Variants in XPNPEP1 observed in about 807,000 individuals in gnomAD.
The protein encoded by XPNPEP1 is X-prolyl aminopeptidase 1.
In XPNPEP1, 39 loss-of-function variants were observed where a neutral mutation model predicts 92.4. The observed-to-expected ratio is 0.42, with a 90% CI of 0.33 to 0.55. The LOEUF is 0.55. Ranked by LOEUF, XPNPEP1 falls within the 20% of genes least tolerant of loss-of-function variation. The probability of loss-of-function intolerance (pLI) is 0.08; values close to 1 mark genes in which losing one functional copy is unlikely to be tolerated. For synonymous variants in XPNPEP1, 307 were observed against 299.4 expected (o/e 1.03, Z -0.26); for missense variants, 654 against 856.1 (o/e 0.76, Z 2.95).
chr10:109,899,559 C>A (rs928721246), intron 3 of XPNPEP1, among the ~76,000 whole-genome samples: 4 of 152,238 alleles, frequency 2.6e-5, no homozygotes, highest in Admixed American at 2.0e-4. Flanking sequence ...ATTATTCTAA[C>A]ACAACAGATA....
At chr10:109,922,223 G>A (rs1405233061) in intron 1 of XPNPEP1, among the ~76,000 whole-genome samples, 1 of 152,130 alleles carries the variant, frequency 6.6e-6, no homozygotes, top group Non-Finnish European at 1.5e-5. Context: ...GCCTTTCACT[G>A]GACTTTCCTT....
intron 1 of XPNPEP1, among the ~76,000 whole-genome samples, chr10:109,920,788 C>T (rs1311916867): frequency 6.6e-6 from 1 of 152,150 alleles, no homozygotes; most frequent in African/African-American, 2.4e-5. Flanking sequence ...TCAAGTGATC[C>T]TCCCACCTCA....
intron 11 of XPNPEP1, among the ~76,000 whole-genome samples, 198 bp downstream of exon 11, chr10:109,880,644 T>C (rs1848040529): frequency 6.6e-6 from 1 of 152,244 alleles, no homozygotes; most frequent in African/African-American, 2.4e-5. Flanking sequence ...TCCTTTTGTA[T>C]TGTGTATTAT....
intron 1 of XPNPEP1, among the ~76,000 whole-genome samples, chr10:109,918,776 C>T (rs948404403): frequency 1.5e-5 from 2 of 134,082 alleles, no homozygotes; most frequent in Non-Finnish European, 3.1e-5. Context: ...GAAAGGAAGA[C>T]AGGAAGGAAG....
At chr10:109,891,534 C>A (rs1440395902) in intron 5 of XPNPEP1, 188 bp downstream of exon 5, 2 of 449,542 alleles carry the variant, frequency 4.4e-6, no homozygotes, top group Non-Finnish European at 7.8e-6. Context: ...GAACCAGCGT[C>A]CTCCAAAATT....
chr10:109,891,712 C>T lies in XPNPEP1; in HGVS notation c.415+10G>A. 1 of 1,560,916 alleles carries T rather than the reference C, an allele frequency of 6.4e-7. No homozygotes were observed. The highest frequency in any genetic ancestry group is 8.6e-7 in the Non-Finnish European group (1 of 1,159,656). ...CCAACTAAGTTTGGGCTAGCCATGC[C>T]TGTACCCACCCATCTTCATAAGTGT... is the stretch of plus-strand genomic sequence containing the variant. On this transcript the variant is annotated intron_variant, in intron 5 of 20. Coordinates refer to ENST00000502935, the MANE Select transcript of XPNPEP1 (RefSeq NM_020383.4).
chr10:109,896,273 CTTT>C (rs57532455), intron 3 of XPNPEP1, among the ~76,000 whole-genome samples: 2 of 135,784 alleles, frequency 1.5e-5, no homozygotes, highest in Admixed American at 7.4e-5. Flanking sequence ...AGATATTTGT[CTTT>C]TTTTTTTTTT....
At chr10:109,902,240 A>C (rs1486700075) in intron 3 of XPNPEP1, among the ~76,000 whole-genome samples, 1 of 152,272 alleles carries the variant, frequency 6.6e-6, no homozygotes, top group South Asian at 2.1e-4. Flanking sequence ...GACATCAAGC[A>C]TTCAAGCAGC....
chr10:109,873,942 G>C (rs982185451), intron 15 of XPNPEP1, among the ~76,000 whole-genome samples: 1 of 152,212 alleles, frequency 6.6e-6, no homozygotes, highest in Non-Finnish European at 1.5e-5. Context: ...CAAATCCATA[G>C]ATACAGAAAG....
rs1398940817 is a variant in XPNPEP1, at chr10:109,890,589, TGTGTGAGAGAGAGA to T, written c.415+1119_415+1132del. 1.2e-4 allele frequency among the ~76,000 whole-genome samples: 11 copies of T among 90,998 alleles called. No homozygotes were observed. The South Asian group carries it at 6.2e-3, about 52-fold the overall frequency. The allele number at this position is 90,998 out of a possible 152,430, so 59.7% of individuals were successfully genotyped here. On this transcript the variant is annotated intron_variant, in intron 5 of 20. Coordinates refer to ENST00000502935, the MANE Select transcript of XPNPEP1 (RefSeq NM_020383.4). ...GTGTGTGTGTGTGTGTGTGTGTGTG[TGTGTGAGAGAGAGA>T]GAGAGAGAGAGAGAGAGAGAGAAAG...
At chr10:109,875,866 T>C (rs867261947) in intron 14 of XPNPEP1, 51 of 332,584 alleles carry the variant, frequency 1.5e-4, no homozygotes, top group South Asian at 9.0e-4. Context: ...CCTCTGTTTG[T>C]GTCTGAAACA....
chr10:109,909,528 G>C (rs1024905291), intron 2 of XPNPEP1, among the ~76,000 whole-genome samples: 3 of 152,188 alleles, frequency 2.0e-5, no homozygotes, highest in African/African-American at 7.2e-5. Flanking sequence ...TACTCACTTA[G>C]TGGAAGCACA....
In XPNPEP1 at chr10:109,893,449, G is replaced by A. The variant is rs377611958; in HGVS notation, c.247-374C>T. Reference sequence around the variant, plus strand: ...ATCTGTTATTTTTCTGAAAAGTAAGGCTGAATTTCTGTGTTAAGCACCAAC... The same window carrying A: ...ATCTGTTATTTTTCTGAAAAGTAAGACTGAATTTCTGTGTTAAGCACCAAC... On this transcript the variant is annotated intron_variant, in intron 3 of 20. Transcript: ENST00000502935. 92 of 173,944 alleles carry A rather than the reference G, an allele frequency of 5.3e-4. 1 individual carries two copies. In the South Asian group the frequency reaches 7.6e-3, roughly 14 times the overall value. The allele number at this position is 173,944 out of a possible 1,614,324, so 10.8% of individuals were successfully genotyped here.
chr10:109,884,111 A>C lies in XPNPEP1; in HGVS notation c.786T>G (p.Asn262Lys). ...TGATTGCGTAGGAGAAAAATACTGGATTGTGCTCCACATCTGATCCTCGGA... is the reference window on the plus strand; with the variant it reads ...TGATTGCGTAGGAGAAAAATACTGGCTTGTGCTCCACATCTGATCCTCGGA... Reference protein sequence around the residue: ...FNLRGSDVEHNPVFFSYAIIG... With the variant: ...FNLRGSDVEHKPVFFSYAIIG... The change falls in exon 9 of 21, where the codon AAT becomes AAG. Residue 262 changes from asparagine to lysine, a missense_variant. By Grantham distance (94) the Asn-to-Lys change is moderately conservative (BLOSUM62 0). Coordinates refer to ENST00000502935, the MANE Select transcript of XPNPEP1 (RefSeq NM_020383.4). 1 of 1,614,084 alleles carries C rather than the reference A, an allele frequency of 6.2e-7. No homozygotes were observed. The highest frequency in any genetic ancestry group is 8.5e-7 in the Non-Finnish European group (1 of 1,179,976).
At chr10:109,895,170 G>A (rs1848917423) in intron 3 of XPNPEP1, among the ~76,000 whole-genome samples, 1 of 152,204 alleles carries the variant, frequency 6.6e-6, no homozygotes, top group South Asian at 2.1e-4. Context: ...CGCACAATGG[G>A]GAATACACAG....
chr10:109,881,118 A>C (rs1162606276), intron 10 of XPNPEP1, among the ~76,000 whole-genome samples, 187 bp from the exon 11 acceptor site: 1 of 152,156 alleles, frequency 6.6e-6, no homozygotes, highest in African/African-American at 2.4e-5. Flanking sequence ...CCCTGAGCTT[A>C]AGCTCAACCA....
chr10:109,902,339 C>A (rs1849330071), intron 3 of XPNPEP1, among the ~76,000 whole-genome samples: 1 of 152,268 alleles, frequency 6.6e-6, no homozygotes, highest in African/African-American at 2.4e-5. Context: ...CACACTGTCA[C>A]AATCTCCTTT....
At chr10:109,870,707 GC>G in intron 18 of XPNPEP1, 23 bp downstream of exon 18, 2 of 1,607,428 alleles carry the variant, frequency 1.2e-6, no homozygotes, top group Non-Finnish European at 1.7e-6. Flanking sequence ...ATCCACGCAT[GC>G]CCTCTATGTG....
At chr10:109,881,375 G>A (rs1049097240) in intron 10 of XPNPEP1, among the ~76,000 whole-genome samples, 4 of 152,024 alleles carry the variant, frequency 2.6e-5, no homozygotes, top group East Asian at 1.9e-4. Context: ...CTCCCTTCCC[G>A]CCCAGTGGTC....
Sources: gnomAD v4.1 joint callset for allele counts (sites outside exome capture counted in the v4.1 genomes callset) on GRCh38, gnomAD v4.1.1 for gene constraint, MANE v1.5 for transcripts, NCBI Gene and HGNC (gene_info 2026-07-23, HGNC 2026-07-21) for gene names.